MAGI1: variants seen among roughly 807,000 people sequenced by gnomAD.
The protein encoded by MAGI1 is membrane associated guanylate kinase, WW and PDZ domain containing 1.
A neutral mutation model predicts 139.9 loss-of-function variants in MAGI1; 58 were observed. The observed-to-expected ratio is 0.41, with a 90% CI of 0.34 to 0.52. The LOEUF (loss-of-function observed/expected upper bound fraction) is 0.52. MAGI1 is among the 20% of genes least tolerant of loss of function. MAGI1 has a pLI of 0.12. For synonymous variants in MAGI1, 812 were observed against 737.9 expected (o/e 1.10, Z -1.63); for missense variants, 1,874 against 1,901.6 (o/e 0.99, Z 0.27).
At chr3:65,715,336 T>C (rs921910288) in intron 1 of MAGI1, among the ~76,000 whole-genome samples, 3 of 152,186 alleles carry the variant, frequency 2.0e-5, no homozygotes, top group African/African-American at 7.2e-5. Flanking sequence ...TTTTCATCCT[T>C]CTCTCCAGGT....
chr3:65,705,536 C>A (rs1378315503), intron 1 of MAGI1, among the ~76,000 whole-genome samples: 2 of 152,226 alleles, frequency 1.3e-5, no homozygotes, highest in African/African-American at 4.8e-5. Flanking sequence ...TCAGTCTAAA[C>A]AACCTCTGAT....
chr3:65,707,618 A>T (rs2030573776), intron 1 of MAGI1, among the ~76,000 whole-genome samples: 1 of 146,406 alleles, frequency 6.8e-6, no homozygotes, highest in African/African-American at 2.5e-5. Context: ...TAAACCTGAG[A>T]GGTTGAAGCT....
chr3:65,382,120 T>C, intron 15 of MAGI1, 51 bp from the exon 16 acceptor site: 4 of 1,414,460 alleles, frequency 2.8e-6, no homozygotes, highest in Non-Finnish European at 3.9e-6. Flanking sequence ...ATGTTTACTG[T>C]TACATCAATA....
intron 1 of MAGI1, among the ~76,000 whole-genome samples, chr3:66,027,491 A>T (rs1316082960): frequency 6.6e-6 from 1 of 151,990 alleles, no homozygotes; most frequent in African/African-American, 2.4e-5. Context: ...CATTTCTAAC[A>T]TGGAAACCTA....
At chr3:65,401,783 A>C in intron 12 of MAGI1, 1 of 1,363,438 alleles carries the variant, frequency 7.3e-7, no homozygotes, top group Non-Finnish European at 9.5e-7. Context: ...AGAATCTCAA[A>C]TGCTCTTCTG....
intron 2 of MAGI1, among the ~76,000 whole-genome samples, chr3:65,544,572 T>G (rs1364192342): frequency 6.6e-6 from 1 of 152,172 alleles, no homozygotes; most frequent in Non-Finnish European, 1.5e-5. Context: ...AAGGAAGCAA[T>G]GCTACAACTC....
intron 1 of MAGI1, among the ~76,000 whole-genome samples, chr3:65,986,056 G>A (rs1186892779): frequency 6.6e-6 from 1 of 152,142 alleles, no homozygotes; most frequent in Non-Finnish European, 1.5e-5. Context: ...AAGGGTATAG[G>A]ATAGAAGGAG....
At chr3:65,624,084 T>C (rs1416348034) in intron 1 of MAGI1, among the ~76,000 whole-genome samples, 1 of 152,182 alleles carries the variant, frequency 6.6e-6, no homozygotes, top group Non-Finnish European at 1.5e-5. Context: ...TCCCACTAAG[T>C]AACTACTTGA....
chr3:65,599,353 A>C (rs937545661), intron 2 of MAGI1, among the ~76,000 whole-genome samples: 3 of 152,176 alleles, frequency 2.0e-5, no homozygotes, highest in African/African-American at 7.2e-5. Flanking sequence ...ATGAGAAAAT[A>C]AATGTTGTTC....
chr3:65,388,834 A>ATTTTT (rs35579495), intron 14 of MAGI1, among the ~76,000 whole-genome samples: 27 of 91,936 alleles, frequency 2.9e-4, no homozygotes, highest in African/African-American at 6.8e-4. Flanking sequence ...ACCATTCCGA[A>ATTTTT]TTTTTTTTTT....
chr3:65,526,759 G>A (rs938386749), intron 2 of MAGI1, among the ~76,000 whole-genome samples: 26 of 152,214 alleles, frequency 1.7e-4, no homozygotes, highest in African/African-American at 6.0e-4. Flanking sequence ...GCTATGATGG[G>A]AGCATTCCCT....
At chr3:65,530,442 C>T (rs763143450) in intron 2 of MAGI1, among the ~76,000 whole-genome samples, 13 of 151,562 alleles carry the variant, frequency 8.6e-5, no homozygotes, top group African/African-American at 1.2e-4. Flanking sequence ...AATGAGACCC[C>T]GTCTCTACAA....
In MAGI1 at chr3:65,741,826, C is replaced by A. The variant is rs959091157; in HGVS notation, c.314-119738G>T. ...AGCTTTCAACAAGGAGATCCACACT[C>A]TAGAAAATCCACGAACATGGAGACC... On this transcript the variant is annotated intron_variant, in intron 1 of 22. Coordinates refer to ENST00000402939, the MANE Select transcript of MAGI1 (RefSeq NM_001033057.2). Among the ~76,000 whole-genome samples, 16 of 152,160 alleles carry A rather than the reference C, an allele frequency of 1.1e-4. 1 individual carries two copies. The highest frequency in any genetic ancestry group is 3.9e-4 in the African/African-American group (16 of 41,440).
At chr3:65,537,094 C>CAATA (rs1021835602) in intron 2 of MAGI1, among the ~76,000 whole-genome samples, 47 of 152,272 alleles carry the variant, frequency 3.1e-4, no homozygotes, top group African/African-American at 1.1e-3. Flanking sequence ...AAGTCCTTTA[C>CAATA]AATATATCCC....
At chr3:65,391,116 A>G in intron 14 of MAGI1, 26 bp downstream of exon 14, 1 of 1,601,962 alleles carries the variant, frequency 6.2e-7, no homozygotes, top group Non-Finnish European at 8.6e-7. Flanking sequence ...GGGTCAGGGT[A>G]AGACAGAGGC....
In MAGI1 at chr3:65,736,151, A is replaced by G. The variant is rs142860420; in HGVS notation, c.314-114063T>C. ...GTTCATTCTCTGTTACCATCATTCA[A>G]TTCTCTTATGGTTTTCTATGGGTCT... On this transcript the variant is annotated intron_variant, in intron 1 of 22. Transcript: ENST00000402939. Among the ~76,000 whole-genome samples, 30 of 152,350 alleles carry G rather than the reference A, an allele frequency of 2.0e-4. 1 individual carries two copies. In the East Asian group the frequency reaches 2.7e-3, roughly 14 times the overall value.
intron 1 of MAGI1, among the ~76,000 whole-genome samples, chr3:65,944,547 A>G (rs1379911923): frequency 6.6e-6 from 1 of 152,100 alleles, no homozygotes; most frequent in Non-Finnish European, 1.5e-5. Context: ...TGCTATTTAA[A>G]TGCTAATAGC....
In MAGI1 at chr3:65,498,655, G is replaced by T. The variant is rs571888242; in HGVS notation, c.431-5024C>A. Among the ~76,000 whole-genome samples, 3 of 152,266 alleles carry T rather than the reference G, an allele frequency of 2.0e-5. 1 individual carries two copies. In the South Asian group the frequency reaches 6.2e-4, roughly 32 times the overall value. On this transcript the variant is annotated intron_variant, in intron 2 of 22. Transcript: ENST00000402939. Reference sequence around the variant, plus strand: ...TGCCCAAGGTCACATAACAAGTTGGGCAGAGCCATGGTCTGTCTGAACACA... The same window carrying T: ...TGCCCAAGGTCACATAACAAGTTGGTCAGAGCCATGGTCTGTCTGAACACA...
At chr3:65,892,690 G>A (rs1488729072) in intron 1 of MAGI1, among the ~76,000 whole-genome samples, 2 of 151,994 alleles carry the variant, frequency 1.3e-5, no homozygotes, top group Non-Finnish European at 2.9e-5. Context: ...ACTTACCTGG[G>A]GCACTTAATC....
Sources: gnomAD v4.1 joint callset for allele counts (sites outside exome capture counted in the v4.1 genomes callset) on GRCh38, gnomAD v4.1.1 for gene constraint, MANE v1.5 for transcripts, NCBI Gene and HGNC (gene_info 2026-07-23, HGNC 2026-07-21) for gene names.